The following DMXL1 variants were observed in gnomAD, a reference collection of about 807,000 sequenced individuals.
The protein encoded by DMXL1 is Dmx like 1.
DMXL1 carries 99 observed loss-of-function variants against 319.2 expected under a neutral mutation model. That is an observed-to-expected ratio of 0.31 (90% CI 0.26 to 0.37). DMXL1 has a LOEUF of 0.37. Ranked by LOEUF, DMXL1 falls within the 10% of genes least tolerant of loss-of-function variation. The pLI is 1.00. For missense variants in DMXL1, 3,745 were observed against 3,595.6 expected (o/e 1.04, Z -1.06); for synonymous variants, 1,385 against 1,235.2 (o/e 1.12, Z -2.54).
chr5:119,234,408 G>T (rs751853171), intron 39 of DMXL1, among the ~76,000 whole-genome samples: 1 of 152,110 alleles, frequency 6.6e-6, no homozygotes, highest in Non-Finnish European at 1.5e-5. Context: ...GGTTCACCTT[G>T]CCTTTTCTTT....
chr5:119,129,330 G>A lies in DMXL1; in HGVS notation c.1222G>A (p.Val408Ile). Residue 408 changes from valine to isoleucine, a missense_variant, in exon 10 of 44, where the codon GTT becomes ATT. Coordinates refer to ENST00000539542, the MANE Select transcript of DMXL1 (RefSeq NM_001290321.3). ...ACTGCATTTTACTTTGTCCATGGAAGTTTTTTTACAGCAACTTAGAAAAAG... is the reference window on the plus strand; with the variant it reads ...ACTGCATTTTACTTTGTCCATGGAAATTTTTTTACAGCAACTTAGAAAAAG... ...KELHFTLSME[V>I]FLQQLRKSFE... The A allele has an allele frequency of 1.2e-6, 2 of 1,613,718 alleles. No homozygotes were observed. Among genetic ancestry groups the A allele is most frequent in the African/African-American group, 1.3e-5 (1 of 74,992 alleles).
At chr5:119,095,967 A>G (rs1755857966) in intron 1 of DMXL1, among the ~76,000 whole-genome samples, 1 of 152,160 alleles carries the variant, frequency 6.6e-6, no homozygotes, top group Non-Finnish European at 1.5e-5. Flanking sequence ...TGTTGGTACC[A>G]TGGAAATAGC....
At chr5:119,161,696 C>G (rs577875986) in intron 19 of DMXL1, among the ~76,000 whole-genome samples, 8 of 152,176 alleles carry the variant, frequency 5.3e-5, no homozygotes, top group African/African-American at 1.9e-4. Context: ...AGCCCCTGAG[C>G]TTTGCTGAAA....
intron 27 of DMXL1, 64 bp downstream of exon 27, chr5:119,177,548 A>T: frequency 7.2e-7 from 1 of 1,390,512 alleles, no homozygotes; most frequent in Non-Finnish European, 9.5e-7. Flanking sequence ...ATAAGTAGAA[A>T]GACTTTTAGT....
At chr5:119,197,427 T>C (rs539520097) in intron 31 of DMXL1, among the ~76,000 whole-genome samples, 3 of 152,222 alleles carry the variant, frequency 2.0e-5, no homozygotes, top group Non-Finnish European at 2.9e-5. Flanking sequence ...CTGTGGGCCA[T>C]GGGTTGGACA....
chr5:119,121,906 G>A (rs1196341770), intron 9 of DMXL1, among the ~76,000 whole-genome samples: 1 of 145,106 alleles, frequency 6.9e-6, no homozygotes. Context: ...TGGCCGGGCG[G>A]GGGGCTGACC....
intron 38 of DMXL1, among the ~76,000 whole-genome samples, chr5:119,225,744 A>G (rs950414655): frequency 8.5e-5 from 13 of 152,170 alleles, no homozygotes; most frequent in Non-Finnish European, 4.4e-5. Flanking sequence ...AACATCTGTT[A>G]CTTATGCTAG....
At chr5:119,229,488 T>G (rs780186138) in intron 38 of DMXL1, among the ~76,000 whole-genome samples, 2 of 152,134 alleles carry the variant, frequency 1.3e-5, no homozygotes, top group Non-Finnish European at 2.9e-5. Flanking sequence ...CATAAAATTA[T>G]TTTTCCAAAT....
chr5:119,098,498 A>G (rs1460554911), intron 2 of DMXL1, among the ~76,000 whole-genome samples: 9 of 151,340 alleles, frequency 5.9e-5, no homozygotes, highest in East Asian at 1.9e-4. Flanking sequence ...TGTAACTTCT[A>G]TGTAACAAGG....
chr5:119,211,702 T>C (rs1034206096), intron 34 of DMXL1, among the ~76,000 whole-genome samples: 2 of 152,228 alleles, frequency 1.3e-5, no homozygotes, highest in African/African-American at 4.8e-5. Flanking sequence ...TAGATATCAT[T>C]TTACTTCATA....
rs1189092327 is a variant in DMXL1, at chr5:119,220,332, CTAAAAG to C, written c.8014-136_8014-131del. ...CTCCAAACTGAAGCTTATTATTTCACTAAAAGTAAGAATGCTGTATATCCTGTACTT... is the reference window on the plus strand; with the variant it reads ...CTCCAAACTGAAGCTTATTATTTCACTAAGAATGCTGTATATCCTGTACTT... On this transcript the variant is annotated intron_variant, in intron 35 of 43. Transcript: ENST00000539542. 3.3e-4 allele frequency: 228 copies of C among 685,472 alleles called. No individual in the cohort carries two copies. In the Admixed American group the frequency reaches 7.1e-3, roughly 21 times the overall value. 42.5% of individuals were successfully genotyped at this position (685,472 alleles called of 1,614,324 possible). A position where few individuals can be genotyped will look rare whatever the true frequency, so the allele number is the denominator to read the frequency against.
rs1466028473 is a variant in DMXL1, at chr5:119,227,404, T to C, written c.8338+2635T>C. Among the ~76,000 whole-genome samples the C allele has an allele frequency of 2.6e-5, 4 of 152,162 alleles. No homozygotes were observed. In the East Asian group the frequency reaches 7.7e-4, roughly 29 times the overall value. On this transcript the variant is annotated intron_variant, in intron 38 of 43. Coordinates refer to ENST00000539542, the MANE Select transcript of DMXL1 (RefSeq NM_001290321.3). ...TAATAAGGAATCTCAGATAAGATTTTTAAAAACCTCTTGAGGCTCAGAAGT... is the reference window on the plus strand; with the variant it reads ...TAATAAGGAATCTCAGATAAGATTTCTAAAAACCTCTTGAGGCTCAGAAGT...
chr5:119,186,181 G>A (rs559498058), intron 28 of DMXL1, among the ~76,000 whole-genome samples: 1 of 152,298 alleles, frequency 6.6e-6, no homozygotes, highest in South Asian at 2.1e-4. Context: ...GTATACTCTG[G>A]CACACTCATG....
chr5:119,171,338 TC>T, intron 24 of DMXL1, 58 bp downstream of exon 24: 1 of 1,506,442 alleles, frequency 6.6e-7, no homozygotes, highest in Non-Finnish European at 8.9e-7. Flanking sequence ...TTTTGGTGTT[TC>T]TTTTTTGGTT....
chr5:119,207,391 G>A (rs771146519), intron 34 of DMXL1, among the ~76,000 whole-genome samples: 9 of 152,186 alleles, frequency 5.9e-5, no homozygotes, highest in Admixed American at 2.0e-4. Context: ...ATAGCATGTA[G>A]CAAAGTGCCT....
At chr5:119,152,083 A>C (rs1335879429) in intron 19 of DMXL1, 47 bp downstream of exon 19, 1 of 1,314,154 alleles carries the variant, frequency 7.6e-7, no homozygotes, top group Non-Finnish European at 1.1e-6. Context: ...CGAGTAGAAA[A>C]TGAGAGACTT....
In DMXL1 at chr5:119,098,107, T is replaced by A; in HGVS notation, c.213+3T>A. ...ACTGTTCAATGCAACAAGGCAAGGT[T>A]TGTAATCTTCTTCTAATATACAAAT... On this transcript the variant is annotated splice_donor_region_variant and intron_variant, in intron 2 of 43. Transcript: ENST00000539542. 6.3e-7 allele frequency: 1 copy of A among 1,597,278 alleles called. No homozygotes were observed. Among genetic ancestry groups the A allele is most frequent in the Non-Finnish European group, 8.5e-7 (1 of 1,175,608 alleles).
intron 19 of DMXL1, among the ~76,000 whole-genome samples, chr5:119,159,610 T>A (rs1366816822): frequency 6.6e-6 from 1 of 152,234 alleles, no homozygotes; most frequent in East Asian, 1.9e-4. Context: ...TAACTTCTAA[T>A]TTTATTTTTA....
chr5:119,155,891 A>C lies in DMXL1; in HGVS notation c.4702+3855A>C, dbSNP rs114994784. On this transcript the variant is annotated intron_variant, in intron 19 of 43. Coordinates refer to ENST00000539542, the MANE Select transcript of DMXL1 (RefSeq NM_001290321.3). ...GTTGCTTCTTAAAGGATGAGCAATG[A>C]ATGTGGTTTCTTAAGGTGGAATCTA... is the stretch of plus-strand genomic sequence containing the variant. Among the ~76,000 whole-genome samples, 629 of 151,992 alleles carry C rather than the reference A, an allele frequency of 4.1e-3. 6 individuals are homozygous for C. The highest frequency in any genetic ancestry group is 0.015 in the African/African-American group (610 of 41,476).
Sources: gnomAD v4.1 joint callset for allele counts (sites outside exome capture counted in the v4.1 genomes callset) on GRCh38, gnomAD v4.1.1 for gene constraint, MANE v1.5 for transcripts, NCBI Gene and HGNC (gene_info 2026-07-23, HGNC 2026-07-21) for gene names.